PLAGL1: variants seen among roughly 807,000 people sequenced by gnomAD.
The protein encoded by PLAGL1 is zinc finger protein PLAGL1.
A neutral mutation model predicts 4.6 loss-of-function variants in PLAGL1; 1 was observed. The observed-to-expected ratio is 0.22, with a 90% CI of 0.08 to 1.03. The LOEUF (loss-of-function observed/expected upper bound fraction) is 1.03. Ranked by LOEUF, PLAGL1 falls within the 50% of genes least tolerant of loss-of-function variation. The pLI, the probability that PLAGL1 is intolerant of heterozygous loss-of-function variation, is 0.58. For missense variants in PLAGL1, 464 were observed against 570.4 expected, an observed-to-expected ratio of 0.81 and a Z score of 1.90; for synonymous variants, 240 against 237.8, an observed-to-expected ratio of 1.01 and a Z score of -0.08.
In PLAGL1 at chr6:143,989,565, T is replaced by A. The variant is rs1473020661; in HGVS notation, c.-583-4391A>T. On this transcript the variant is annotated intron_variant, in intron 1 of 7. Transcript: ENST00000674357. This position sits in a 1 kb window ranked among gnomAD's most constrained non-coding sequence, Gnocchi z 4.8. ...GGATTTATACCCCTGGTTCCTCTGC[T>A]TCTCAGGCGTTCAGCCTTGGACCAG... Among the ~76,000 whole-genome samples, 2 of 152,206 alleles carry A rather than the reference T, an allele frequency of 1.3e-5. No homozygotes were observed. Among genetic ancestry groups the A allele is most frequent in the Non-Finnish European group, 2.9e-5 (2 of 68,044 alleles).
intron 2 of PLAGL1, among the ~76,000 whole-genome samples, chr6:143,976,136 G>A (rs1786474060): frequency 6.6e-6 from 1 of 151,896 alleles, no homozygotes; most frequent in South Asian, 2.1e-4. Flanking sequence ...AGTACAGAGT[G>A]TACAGAATAC....
In PLAGL1 at chr6:144,055,145, A is replaced by G. The variant is rs1235084147; in HGVS notation, c.-151+9323T>C. Among the ~76,000 whole-genome samples, 2 of 152,174 alleles carry G rather than the reference A, an allele frequency of 1.3e-5. No individual in the cohort carries two copies. The highest frequency in any genetic ancestry group is 4.8e-5 in the African/African-American group (2 of 41,438). On this transcript the variant is annotated intron_variant, in intron 1 of 3. Coordinates refer to the PLAGL1 transcript ENST00000437412. The surrounding 1 kb of genome is among the most constrained non-coding windows in gnomAD (Gnocchi z 5.0). Reference sequence around the variant, plus strand: ...GTAGTGCCATATATTTTGAAAAAGAAATGTCTAATGAGCACGGAGAGGCAT... The same window carrying G: ...GTAGTGCCATATATTTTGAAAAAGAGATGTCTAATGAGCACGGAGAGGCAT...
rs1450424505 is a variant in PLAGL1, at chr6:143,947,353, T to C, written c.152+632A>G. On this transcript the variant is annotated intron_variant, in intron 7 of 7. Coordinates refer to ENST00000674357, the MANE Select transcript of PLAGL1 (RefSeq NM_001317162.2). This position sits in a 1 kb window ranked among gnomAD's most constrained non-coding sequence, Gnocchi z 4.3. ...GGTTTCAAATCAGCCTTCCTGCCAC[T>C]TCTTCAAATTATTATCTGAGTCCTC... Among the ~76,000 whole-genome samples, 2 of 152,218 alleles carry C rather than the reference T, an allele frequency of 1.3e-5. No individual in the cohort carries two copies. Among genetic ancestry groups the C allele is most frequent in the Non-Finnish European group, 2.9e-5 (2 of 68,034 alleles).
chr6:144,049,085 G>C (rs1022737433), intron 1 of PLAGL1, among the ~76,000 whole-genome samples: 1 of 152,154 alleles, frequency 6.6e-6, no homozygotes, highest in Non-Finnish European at 1.5e-5. Context: ...CTAGGGCAGG[G>C]GCAAAATGCC....
At position 143,963,925 on chromosome 6, in the gene PLAGL1, A is replaced by G. The variant is rs969176668; in HGVS notation, c.-399+862T>C. On this transcript the variant is annotated intron_variant, in intron 5 of 7. Coordinates refer to ENST00000674357, the MANE Select transcript of PLAGL1 (RefSeq NM_001317162.2). This position sits in a 1 kb window ranked among gnomAD's most constrained non-coding sequence, Gnocchi z 6.1. ...GGTGGCAGGCTTTGTAATCCCTTGTATTTTCATCCAGCTGAAGACAGAAGC... is the reference window on the plus strand; with the variant it reads ...GGTGGCAGGCTTTGTAATCCCTTGTGTTTTCATCCAGCTGAAGACAGAAGC... Among the ~76,000 whole-genome samples the G allele has an allele frequency of 2.6e-5, 4 of 152,116 alleles. No individual in the cohort carries two copies. The highest frequency in any genetic ancestry group is 9.7e-5 in the African/African-American group (4 of 41,426).
chr6:144,032,631 G>A (rs146399768), intron 1 of PLAGL1, among the ~76,000 whole-genome samples: 57 of 151,920 alleles, frequency 3.8e-4, no homozygotes, highest in Admixed American at 2.0e-3. Flanking sequence ...GCACAGTCTC[G>A]GCTCACTGCA....
In PLAGL1 at chr6:143,957,618, T is replaced by C. The variant is rs150982084; in HGVS notation, c.-325+2851A>G. ...CATTCAAGGGAAAGAAAAGCCTCTT[T>C]CTTTCTCAGGAAGTGTGTGAGGATA... On this transcript the variant is annotated intron_variant, in intron 6 of 7. Coordinates refer to ENST00000674357, the MANE Select transcript of PLAGL1 (RefSeq NM_001317162.2). The surrounding 1 kb of genome is among the most constrained non-coding windows in gnomAD (Gnocchi z 4.2). Among the ~76,000 whole-genome samples the C allele has an allele frequency of 5.1e-3, 772 of 152,298 alleles. 4 individuals carry two copies. Among genetic ancestry groups the C allele is most frequent in the African/African-American group, 0.018 (750 of 41,554 alleles).
chr6:144,047,575 G>A (rs1798257282), intron 1 of PLAGL1, among the ~76,000 whole-genome samples: 1 of 152,148 alleles, frequency 6.6e-6, no homozygotes, highest in African/African-American at 2.4e-5. Flanking sequence ...ATGAGAGCAA[G>A]AGCAGGGAAA....
chr6:144,044,350 C>T (rs551695017), intron 1 of PLAGL1, among the ~76,000 whole-genome samples: 9 of 152,236 alleles, frequency 5.9e-5, no homozygotes, highest in East Asian at 1.9e-4. Flanking sequence ...CTGCTTTAAA[C>T]GTGTCCCGGA....
In PLAGL1 at chr6:143,961,485, A is replaced by C. The variant is rs1468687565; in HGVS notation, c.-398-943T>G. The C allele has an allele frequency of 1.3e-5, 2 of 152,260 alleles. No homozygotes were observed. Among genetic ancestry groups the C allele is most frequent in the African/African-American group, 4.8e-5 (2 of 41,476 alleles). 9.4% of individuals were successfully genotyped at this position (152,260 alleles called of 1,614,324 possible). A position where few individuals can be genotyped will look rare whatever the true frequency, so the allele number is the denominator to read the frequency against. On this transcript the variant is annotated intron_variant, in intron 5 of 7. Transcript: ENST00000674357. This position sits in a 1 kb window ranked among gnomAD's most constrained non-coding sequence, Gnocchi z 6.5. ...TATTTTGTATGAGAACATCCTTTTA[A>C]GTTAAAAATGGAAAAACCAAGGCCA...
rs1799219623 is a variant in PLAGL1 at position 144,059,340 on chromosome 6, T to C, written c.-151+5128A>G. On this transcript the variant is annotated intron_variant, in intron 1 of 3. Transcript: ENST00000437412. This position sits in a 1 kb window ranked among gnomAD's most constrained non-coding sequence, Gnocchi z 4.9. Reference sequence around the variant, plus strand: ...GCCCCAGGCCTGGCCCTTTAAGCCATTCTTTCCTCCTAGGCCTCTGGGCCT... The same window carrying C: ...GCCCCAGGCCTGGCCCTTTAAGCCACTCTTTCCTCCTAGGCCTCTGGGCCT... Among the ~76,000 whole-genome samples, 1 of 152,190 alleles carries C rather than the reference T, an allele frequency of 6.6e-6. No homozygotes were observed. Among genetic ancestry groups the C allele is most frequent in the South Asian group, 2.1e-4 (1 of 4,836 alleles).
In PLAGL1 at chr6:143,942,722, G is replaced by A. The variant is rs59816371; in HGVS notation, c.153-59C>T. ...GTTGTTTTAAGAGCTGAAGAAAGGT[G>A]TAGCAACAATATTATATCAAAATGT... is the stretch of plus-strand genomic sequence containing the variant. On this transcript the variant is annotated intron_variant, in intron 7 of 7. Transcript: ENST00000674357. This position sits in a 1 kb window ranked among gnomAD's most constrained non-coding sequence, Gnocchi z 7.6. 1.9e-3 allele frequency: 2,320 copies of A among 1,251,180 alleles called. 22 individuals are homozygous for A. In the East Asian group the frequency reaches 0.025, roughly 13 times the overall value. 77.5% of individuals were successfully genotyped at this position (1,251,180 alleles called of 1,614,324 possible). A position where few individuals can be genotyped will look rare whatever the true frequency, so the allele number is the denominator to read the frequency against.
intron 1 of PLAGL1, among the ~76,000 whole-genome samples, chr6:144,035,521 C>T (rs185773758): frequency 2.2e-4 from 34 of 152,334 alleles, no homozygotes; most frequent in Admixed American, 2.0e-3. Flanking sequence ...TGGTGCCCAA[C>T]CAGACTGAGG....
At chr6:143,993,370 A>ACACACACAAT (rs1790947795) in intron 1 of PLAGL1, among the ~76,000 whole-genome samples, 1 of 147,514 alleles carries the variant, frequency 6.8e-6, no homozygotes, top group East Asian at 2.0e-4. Flanking sequence ...ACACACACAC[A>ACACACACAAT]ATTGACATGT....
At position 143,959,650 on chromosome 6, in the gene PLAGL1, T is replaced by C. The variant is rs1011082564; in HGVS notation, c.-325+819A>G. 1.3e-5 allele frequency among the ~76,000 whole-genome samples: 2 copies of C among 152,164 alleles called. No individual in the cohort carries two copies. Among genetic ancestry groups the C allele is most frequent in the South Asian group, 2.1e-4 (1 of 4,830 alleles). On this transcript the variant is annotated intron_variant, in intron 6 of 7. Transcript: ENST00000674357. This position sits in a 1 kb window ranked among gnomAD's most constrained non-coding sequence, Gnocchi z 5.3. ...ATTTCCATCTCATAGCCCTAAGAGA[T>C]AGGTAGAAGGGCATCATTGTCCCCA...
chr6:143,969,732 G>A (rs1038915002), intron 2 of PLAGL1, among the ~76,000 whole-genome samples: 6 of 152,008 alleles, frequency 3.9e-5, no homozygotes, highest in Non-Finnish European at 8.8e-5. Context: ...GGATGAGGGT[G>A]AAGAGGGGGA....
In PLAGL1 at chr6:144,053,738, A is replaced by G. The variant is rs935125804; in HGVS notation, c.-151+10730T>C. Among the ~76,000 whole-genome samples, 2 of 152,198 alleles carry G rather than the reference A, an allele frequency of 1.3e-5. No individual in the cohort carries two copies. Among genetic ancestry groups the G allele is most frequent in the Admixed American group, 6.5e-5 (1 of 15,286 alleles). ...CTGTCTTCCTCATCCTCTAGTAACTATGTCAGGCCAGTTACTGATCACGGT... is the reference window on the plus strand; with the variant it reads ...CTGTCTTCCTCATCCTCTAGTAACTGTGTCAGGCCAGTTACTGATCACGGT... On this transcript the variant is annotated intron_variant, in intron 1 of 3. Coordinates refer to the PLAGL1 transcript ENST00000437412. This position sits in a 1 kb window ranked among gnomAD's most constrained non-coding sequence, Gnocchi z 4.0.
At position 143,948,094 on chromosome 6, in the gene PLAGL1, T is replaced by C. The variant is rs1583078195; in HGVS notation, c.43A>G (p.Thr15Ala). 1.9e-6 allele frequency: 3 copies of C among 1,613,732 alleles called. No homozygotes were observed. The highest frequency in any genetic ancestry group is 2.5e-6 in the Non-Finnish European group (3 of 1,179,730). ...TTGTGAATCGTGAACTTCTCCAGGGTGAGGAACGTCTTGCCACATAACTGG... is the reference window on the plus strand; with the variant it reads ...TTGTGAATCGTGAACTTCTCCAGGGCGAGGAACGTCTTGCCACATAACTGG... Reference protein sequence around the residue: ...PCQLCGKTFLTLEKFTIHNYS... With the variant: ...PCQLCGKTFLALEKFTIHNYS... The change falls in exon 7 of 8, where the codon ACC becomes GCC. Residue 15 changes from threonine (T) to alanine (A), a missense_variant. Coordinates refer to ENST00000674357, the MANE Select transcript of PLAGL1 (RefSeq NM_001317162.2). The surrounding 1 kb of genome is among the most constrained non-coding windows in gnomAD (Gnocchi z 6.0).
intron 1 of PLAGL1, among the ~76,000 whole-genome samples, chr6:144,043,300 T>A (rs1797879501): frequency 6.6e-6 from 1 of 152,218 alleles, no homozygotes; most frequent in Non-Finnish European, 1.5e-5. Flanking sequence ...AGTATGATAT[T>A]GGCTGTGGGT....
Sources: allele counts gnomAD v4.1 joint callset (sites outside exome capture counted in the v4.1 genomes callset), GRCh38; gene constraint gnomAD v4.1.1; non-coding constraint Gnocchi (gnomAD v3.1); transcripts MANE v1.5; gene names NCBI Gene and HGNC (gene_info 2026-07-23, HGNC 2026-07-21).